Variants in NKAIN2 observed in about 807,000 individuals in gnomAD.
The protein encoded by NKAIN2 is sodium/potassium transporting ATPase interacting 2.
Under a neutral mutation model 32.6 loss-of-function variants are expected in NKAIN2, and 14 were observed. That is an observed-to-expected ratio of 0.43 (90% CI 0.28 to 0.67). The LOEUF is 0.67. Ranked by LOEUF, NKAIN2 falls within the 30% of genes least tolerant of loss-of-function variation. The pLI, the probability that NKAIN2 is intolerant of heterozygous loss-of-function variation, is 0.17. For missense variants in NKAIN2, 198 were observed against 258.3 expected (o/e 0.77, Z 1.60); for synonymous variants, 80 against 87.2 (o/e 0.92, Z 0.46).
chr6:124,620,395 A>G (rs1044530190), intron 3 of NKAIN2, among the ~76,000 whole-genome samples: 2 of 152,196 alleles, frequency 1.3e-5, no homozygotes, highest in African/African-American at 4.8e-5. Context: ...CCATTTTACA[A>G]ATGAGAAAAA....
chr6:124,806,975 C>T (rs1247319486), intron 5 of NKAIN2, among the ~76,000 whole-genome samples: 5 of 152,034 alleles, frequency 3.3e-5, no homozygotes, highest in Non-Finnish European at 7.4e-5. Context: ...ACAGGAGGAC[C>T]CAGATTCATA....
rs1433770847 is a variant in NKAIN2 at position 124,825,578 on chromosome 6, A to G, written c.*2349A>G. The stretch of plus-strand genomic sequence containing the variant: ...TGTTAATTCTGAATGTATTTTTAAC[A>G]GAATGATTTTTTTGACTTACTAGTG... On this transcript the variant is annotated 3_prime_UTR_variant, in exon 7 of 7. Coordinates refer to ENST00000368417, the MANE Select transcript of NKAIN2 (RefSeq NM_001040214.3). 1 of 152,602 alleles carries G rather than the reference A, an allele frequency of 6.6e-6. No homozygotes were observed. Among genetic ancestry groups the G allele is most frequent in the Non-Finnish European group, 1.5e-5 (1 of 68,038 alleles). The allele number at this position is 152,602 out of a possible 1,614,324, so 9.5% of individuals were successfully genotyped here. A position where few individuals can be genotyped will look rare whatever the true frequency, so the allele number is the denominator to read the frequency against.
chr6:124,141,886 A>G (rs1684257389), intron 1 of NKAIN2, among the ~76,000 whole-genome samples: 1 of 152,164 alleles, frequency 6.6e-6, no homozygotes, highest in African/African-American at 2.4e-5. Flanking sequence ...TCACAACTCT[A>G]ATGACATCTC....
chr6:124,650,423 G>A (rs376182532), intron 3 of NKAIN2, among the ~76,000 whole-genome samples: 2 of 152,026 alleles, frequency 1.3e-5, no homozygotes, highest in South Asian at 2.1e-4. Flanking sequence ...GAAATATATA[G>A]GTATCAATTT....
At chr6:124,126,393 C>T (rs1282777889) in intron 1 of NKAIN2, among the ~76,000 whole-genome samples, 7 of 152,118 alleles carry the variant, frequency 4.6e-5, no homozygotes, top group Non-Finnish European at 8.8e-5. Context: ...CTTCATTCTC[C>T]CTCTTACTTG....
At chr6:124,436,237 A>G (rs1273491376) in intron 3 of NKAIN2, among the ~76,000 whole-genome samples, 1 of 152,172 alleles carries the variant, frequency 6.6e-6, no homozygotes, top group Non-Finnish European at 1.5e-5. Context: ...CATTAAAACT[A>G]GCTAAAAAAG....
chr6:124,815,114 T>C (rs1781083601), intron 5 of NKAIN2, among the ~76,000 whole-genome samples: 1 of 151,202 alleles, frequency 6.6e-6, no homozygotes, highest in Admixed American at 6.6e-5. Flanking sequence ...GGTAAATACC[T>C]CTTAGAAAAC....
chr6:123,828,371 G>T (rs1452990454), intron 1 of NKAIN2, among the ~76,000 whole-genome samples: 4 of 143,144 alleles, frequency 2.8e-5, no homozygotes, highest in African/African-American at 1.1e-4. Flanking sequence ...GTATTTGTGT[G>T]AATAATTTAT....
At chr6:123,945,882 A>G (rs1582822713) in intron 1 of NKAIN2, among the ~76,000 whole-genome samples, 1 of 152,190 alleles carries the variant, frequency 6.6e-6, no homozygotes, top group African/African-American at 2.4e-5. Context: ...GAAATCCACT[A>G]TGGATGACTG....
chr6:124,706,065 G>A (rs796671197), intron 4 of NKAIN2, among the ~76,000 whole-genome samples: 142 of 152,146 alleles, frequency 9.3e-4, no homozygotes, highest in African/African-American at 3.4e-3. Flanking sequence ...AATGATTGTA[G>A]GATCTCTGGA....
chr6:124,153,312 A>G (rs771038951), intron 1 of NKAIN2, among the ~76,000 whole-genome samples: 1 of 151,844 alleles, frequency 6.6e-6, no homozygotes, highest in Non-Finnish European at 1.5e-5. Flanking sequence ...GCAGATCTCT[A>G]TGGATATTGT....
chr6:124,172,495 A>G (rs1333684139), intron 1 of NKAIN2, among the ~76,000 whole-genome samples: 1 of 152,164 alleles, frequency 6.6e-6, no homozygotes, highest in Admixed American at 6.5e-5. Flanking sequence ...AATTCTATAA[A>G]CCTCAAAATT....
At chr6:124,664,622 G>A (rs965678715) in intron 4 of NKAIN2, among the ~76,000 whole-genome samples, 6 of 149,768 alleles carry the variant, frequency 4.0e-5, no homozygotes, top group East Asian at 4.0e-4. Context: ...GTGAAACCCC[G>A]TCTCTACTAA....
chr6:123,890,920 T>G (rs1773979518), intron 1 of NKAIN2, among the ~76,000 whole-genome samples: 1 of 152,108 alleles, frequency 6.6e-6, no homozygotes, highest in Admixed American at 6.6e-5. Context: ...TCACAATAGC[T>G]AAATTTTGGG....
chr6:123,992,608 G>A (rs1210118325), intron 1 of NKAIN2, among the ~76,000 whole-genome samples: 1 of 152,152 alleles, frequency 6.6e-6, no homozygotes, highest in South Asian at 2.1e-4. Flanking sequence ...TGAATGTGAT[G>A]AATTTGAAGG....
At chr6:124,097,009 C>G (rs2114939561) in intron 1 of NKAIN2, among the ~76,000 whole-genome samples, 1 of 152,220 alleles carries the variant, frequency 6.6e-6, no homozygotes, top group South Asian at 2.1e-4. Context: ...TGACAACACA[C>G]CTGAATAAGA....
At chr6:124,164,461 A>G (rs1166699832) in intron 1 of NKAIN2, among the ~76,000 whole-genome samples, 2 of 152,044 alleles carry the variant, frequency 1.3e-5, no homozygotes, top group Non-Finnish European at 2.9e-5. Flanking sequence ...CACATCGTTG[A>G]GAAGCAGAGT....
intron 1 of NKAIN2, among the ~76,000 whole-genome samples, chr6:124,138,511 T>C (rs1244650642): frequency 1.3e-5 from 2 of 151,986 alleles, no homozygotes; most frequent in East Asian, 3.9e-4. Context: ...GGAAAAGAAG[T>C]CATTATATGA....
At chr6:124,478,604 A>G (rs1395061446) in intron 3 of NKAIN2, among the ~76,000 whole-genome samples, 1 of 152,234 alleles carries the variant, frequency 6.6e-6, no homozygotes, top group South Asian at 2.1e-4. Context: ...AAACAATTTG[A>G]GCAAGAAAAT....
Sources: gnomAD v4.1 joint callset for allele counts (sites outside exome capture counted in the v4.1 genomes callset) on GRCh38, gnomAD v4.1.1 for gene constraint, MANE v1.5 for transcripts, NCBI Gene and HGNC (gene_info 2026-07-23, HGNC 2026-07-21) for gene names.